The following CEP43 variants were observed in gnomAD, a reference collection of about 807,000 sequenced individuals.
CEP43 encodes the protein FGFR1 oncogene partner.
CEP43 carries 36 observed loss-of-function variants against 52.6 expected under a neutral mutation model. The ratio of observed to expected loss-of-function variants is 0.68; its 90% CI spans 0.52 to 0.90. The LOEUF (loss-of-function observed/expected upper bound fraction) is 0.90. CEP43 is among the 40% of genes least tolerant of loss of function. The pLI, the probability that CEP43 is intolerant of heterozygous loss-of-function variation, is 0.00. For missense variants in CEP43, 506 were observed against 472.8 expected (o/e 1.07, Z -0.65); for synonymous variants, 192 against 172.4 (o/e 1.11, Z -0.89).
At chr6:167,029,955 C>T (rs2237272) in intron 10 of CEP43, among the ~76,000 whole-genome samples, 52,883 of 152,076 alleles carry the variant, frequency 0.35, 10,384 homozygotes, top group Non-Finnish European at 0.46. Flanking sequence ...TTATAAAGAA[C>T]CTTCTTAAGG....
intron 12 of CEP43, among the ~76,000 whole-genome samples, chr6:167,034,483 A>G (rs142884571): frequency 1.9e-3 from 297 of 152,338 alleles, no homozygotes; most frequent in African/African-American, 6.9e-3. Context: ...ATGTGGGTGG[A>G]GAACAGAAGA....
intron 12 of CEP43, 126 bp from the exon 13 acceptor site, chr6:167,039,778 A>G: frequency 3.2e-6 from 3 of 944,706 alleles, no homozygotes; most frequent in South Asian, 1.6e-5. Context: ...TTATTTTTTG[A>G]TTTTTTGATT....
rs1780744485 is a variant in CEP43, at chr6:167,043,523, G to GCACCT, written c.*3545_*3546insCACCT. On this transcript the variant is annotated 3_prime_UTR_variant, in exon 13 of 13. Coordinates refer to ENST00000366847, the MANE Select transcript of CEP43 (RefSeq NM_007045.4). ...AGCCTCCCAAGTAGCTGAGATTACA[G>GCACCT]GTGCCTGCCACCATGCCCAGCTAAT... 6.6e-6 allele frequency: 1 copy of GCACCT among 152,220 alleles called. No homozygotes were observed. Among genetic ancestry groups the GCACCT allele is most frequent in the African/African-American group, 2.4e-5 (1 of 41,364 alleles). The allele number at this position is 152,220 out of a possible 1,614,324, so 9.4% of individuals were successfully genotyped here. A position where few individuals can be genotyped will look rare whatever the true frequency, so the allele number is the denominator to read the frequency against.
intron 7 of CEP43, among the ~76,000 whole-genome samples, chr6:167,021,884 G>C (rs1478037748): frequency 6.6e-6 from 1 of 152,190 alleles, no homozygotes; most frequent in Non-Finnish European, 1.5e-5. Flanking sequence ...GTTGTGTTTA[G>C]CACTGGATAG....
At chr6:167,030,985 A>G (rs1255502308) in intron 10 of CEP43, among the ~76,000 whole-genome samples, 2 of 151,694 alleles carry the variant, frequency 1.3e-5, no homozygotes, top group Non-Finnish European at 2.9e-5. Flanking sequence ...TCCTCCACCC[A>G]TTCTGTCCCC....
rs1460554853 is a variant in CEP43, at chr6:167,000,196, T to C, written c.156+83T>C. ...ATTAAAAACCGTCTTAAAAATAGTTTATAGTAACATATAGCTAGGGATAAT... is the reference window on the plus strand; with the variant it reads ...ATTAAAAACCGTCTTAAAAATAGTTCATAGTAACATATAGCTAGGGATAAT... On this transcript the variant is annotated intron_variant, in intron 2 of 12. Transcript: ENST00000366847. 3.0e-5 allele frequency: 30 copies of C among 1,005,862 alleles called. No individual in the cohort carries two copies. In the East Asian group the frequency reaches 7.2e-4, roughly 24 times the overall value. 62.3% of individuals were successfully genotyped at this position (1,005,862 alleles called of 1,614,324 possible). A position where few individuals can be genotyped will look rare whatever the true frequency, so the allele number is the denominator to read the frequency against.
chr6:167,001,511 A>G (rs1779736303), intron 2 of CEP43, among the ~76,000 whole-genome samples: 3 of 152,118 alleles, frequency 2.0e-5, no homozygotes, highest in Non-Finnish European at 4.4e-5. Flanking sequence ...CACAGTTGTC[A>G]TTCTGTACTG....
chr6:167,026,144 C>G (rs1262332216), intron 9 of CEP43, among the ~76,000 whole-genome samples: 1 of 152,140 alleles, frequency 6.6e-6, no homozygotes, highest in Non-Finnish European at 1.5e-5. Flanking sequence ...GTGGGTGGAT[C>G]ACGAGGTCAG....
rs1297556337 is a variant in CEP43, at chr6:167,022,454, T to A, written c.625T>A (p.Ser209Thr). 3.1e-6 allele frequency: 5 copies of A among 1,614,054 alleles called. No homozygotes were observed. The change falls in exon 8 of 13, where the codon TCA becomes ACA. Residue 209 changes from serine to threonine, a missense_variant. Coordinates refer to ENST00000366847, the MANE Select transcript of CEP43 (RefSeq NM_007045.4). The part of the protein sequence containing the change: ...ANQSDTSVSL[S>T]EPKSKSSLHL... ...TCAGAGTGATACAAGTGTCTCCTTG[T>A]CAGAACCCAAGAGCAAAAGCAGCCT...
Position 167,041,316 on chromosome 6 carries a change from T to G in CEP43, c.*1338T>G. Reference sequence around the variant, plus strand: ...TTAAGGCTGTGTAACAGAATCTGGCTTTTTAAAATTTAAGTGAAACTAAGC... The same window carrying G: ...TTAAGGCTGTGTAACAGAATCTGGCGTTTTAAAATTTAAGTGAAACTAAGC... On this transcript the variant is annotated 3_prime_UTR_variant, in exon 13 of 13. Coordinates refer to ENST00000366847, the MANE Select transcript of CEP43 (RefSeq NM_007045.4). 9.5e-7 allele frequency: 1 copy of G among 1,054,182 alleles called. No homozygotes were observed. The highest frequency in any genetic ancestry group is 1.1e-6 in the Non-Finnish European group (1 of 872,254). The allele number at this position is 1,054,182 out of a possible 1,614,324, so 65.3% of individuals were successfully genotyped here. A position where few individuals can be genotyped will look rare whatever the true frequency, so the allele number is the denominator to read the frequency against.
At chr6:167,030,537 T>G (rs1388587302) in intron 10 of CEP43, among the ~76,000 whole-genome samples, 1 of 152,200 alleles carries the variant, frequency 6.6e-6, no homozygotes, top group Non-Finnish European at 1.5e-5. Context: ...TCCTGACTGC[T>G]TATGATCAGG....
At chr6:167,006,733 A>C (rs576715698) in intron 5 of CEP43, among the ~76,000 whole-genome samples, 2 of 152,284 alleles carry the variant, frequency 1.3e-5, no homozygotes, top group Admixed American at 6.5e-5. Context: ...GTGGATACTG[A>C]GGGACGACTG....
chr6:167,003,427 A>AT, intron 3 of CEP43, 180 bp downstream of exon 3: 1 of 506,198 alleles, frequency 2.0e-6, no homozygotes, highest in Admixed American at 3.8e-5. Flanking sequence ...TGGATTTGGG[A>AT]TGTTGTTGCT....
intron 5 of CEP43, among the ~76,000 whole-genome samples, chr6:167,007,483 A>G (rs1193578793): frequency 1.3e-5 from 2 of 152,160 alleles, no homozygotes; most frequent in Admixed American, 6.5e-5. Flanking sequence ...CCTTCCTAAT[A>G]TCTGGATATT....
intron 10 of CEP43, chr6:167,028,481 T>TA: frequency 2.0e-6 from 2 of 985,332 alleles, no homozygotes; most frequent in Non-Finnish European, 2.4e-6. Context: ...TCAGTAGAAA[T>TA]AAAGTTTTAT....
intron 7 of CEP43, among the ~76,000 whole-genome samples, chr6:167,018,891 G>A (rs1382824901): frequency 6.6e-6 from 1 of 152,106 alleles, no homozygotes; most frequent in East Asian, 1.9e-4. Flanking sequence ...GTATACAGAT[G>A]GTCCCCAATG....
In CEP43 at chr6:167,041,070, T is replaced by C; in HGVS notation, c.*1092T>C. 1 of 1,035,616 alleles carries C rather than the reference T, an allele frequency of 9.7e-7. No homozygotes were observed. The highest frequency in any genetic ancestry group is 1.2e-6 in the Non-Finnish European group (1 of 860,532). 64.2% of individuals were successfully genotyped at this position (1,035,616 alleles called of 1,614,324 possible). A position where few individuals can be genotyped will look rare whatever the true frequency, so the allele number is the denominator to read the frequency against. On this transcript the variant is annotated 3_prime_UTR_variant, in exon 13 of 13. Coordinates refer to ENST00000366847, the MANE Select transcript of CEP43 (RefSeq NM_007045.4). ...ATATTTATATATAAGTAAAGCAGGA[T>C]TGTGCTGTTTTTGCACTTTATAATT...
rs773710783 is a variant in CEP43, at chr6:167,041,230, C to T, written c.*1252C>T. ...TGCCAGTTTCTCATTTCATATTAGC[C>T]TAAATATTACAGAAATTACTCCTTG... On this transcript the variant is annotated 3_prime_UTR_variant, in exon 13 of 13. Coordinates refer to ENST00000366847, the MANE Select transcript of CEP43 (RefSeq NM_007045.4). 17 of 1,047,116 alleles carry T rather than the reference C, an allele frequency of 1.6e-5. No homozygotes were observed. Among genetic ancestry groups the T allele is most frequent in the Non-Finnish European group, 2.0e-5 (17 of 868,218 alleles). 64.9% of individuals were successfully genotyped at this position (1,047,116 alleles called of 1,614,324 possible). A position where few individuals can be genotyped will look rare whatever the true frequency, so the allele number is the denominator to read the frequency against.
chr6:167,023,244 T>C (rs1310005581), intron 8 of CEP43, among the ~76,000 whole-genome samples: 1 of 152,150 alleles, frequency 6.6e-6, no homozygotes, highest in African/African-American at 2.4e-5. Flanking sequence ...TCTTTGAGAC[T>C]GGAAGCCCTG....
Sources: gnomAD v4.1 joint callset for allele counts (sites outside exome capture counted in the v4.1 genomes callset) on GRCh38, gnomAD v4.1.1 for gene constraint, MANE v1.5 for transcripts, NCBI Gene and HGNC (gene_info 2026-07-23, HGNC 2026-07-21) for gene names.